The following TRABD2B variants were observed in gnomAD, a reference collection of about 807,000 sequenced individuals.
The protein encoded by TRABD2B is TraB domain containing 2B.
In TRABD2B, 14 loss-of-function variants were observed where a neutral mutation model predicts 40.1. That is an observed-to-expected ratio of 0.35 (90% CI 0.23 to 0.55). The LOEUF is 0.55. Ranked by LOEUF, TRABD2B falls within the 20% of genes least tolerant of loss-of-function variation. The probability of loss-of-function intolerance (pLI) is 0.90; values close to 1 mark genes in which losing one functional copy is unlikely to be tolerated. For missense variants in TRABD2B, 541 were observed against 648.6 expected, an observed-to-expected ratio of 0.83 and a Z score of 1.80; for synonymous variants, 263 against 277.0, an observed-to-expected ratio of 0.95 and a Z score of 0.50.
intron 2 of TRABD2B, among the ~76,000 whole-genome samples, chr1:47,872,574 G>A (rs1285845756): frequency 1.3e-5 from 2 of 152,206 alleles, no homozygotes; most frequent in Non-Finnish European, 2.9e-5. Flanking sequence ...CTGAGCAGAA[G>A]TGGGTGGGCA....
intron 2 of TRABD2B, among the ~76,000 whole-genome samples, chr1:47,843,330 A>G (rs1557607882): frequency 6.6e-6 from 1 of 152,072 alleles, no homozygotes; most frequent in Non-Finnish European, 1.5e-5. Flanking sequence ...AGAGAAGGGG[A>G]GAAAGTGAGC....
At chr1:47,958,969 A>T (rs1645467492) in intron 2 of TRABD2B, among the ~76,000 whole-genome samples, 1 of 151,972 alleles carries the variant, frequency 6.6e-6, no homozygotes, top group Non-Finnish European at 1.5e-5. Flanking sequence ...GAAGTAAAGC[A>T]CTCCTCAGCA....
At chr1:47,879,885 C>T (rs564222255) in intron 2 of TRABD2B, among the ~76,000 whole-genome samples, 5 of 152,248 alleles carry the variant, frequency 3.3e-5, no homozygotes, top group Admixed American at 2.6e-4. Flanking sequence ...GGGAGGCCAC[C>T]CCTGCCAGGC....
At chr1:47,911,863 G>A (rs1165866470) in intron 2 of TRABD2B, among the ~76,000 whole-genome samples, 1 of 152,164 alleles carries the variant, frequency 6.6e-6, no homozygotes. Flanking sequence ...ATAAGCACAG[G>A]GACTTGTGTG....
intron 2 of TRABD2B, among the ~76,000 whole-genome samples, chr1:47,991,496 G>T (rs1397575987): frequency 6.6e-6 from 1 of 152,150 alleles, no homozygotes; most frequent in East Asian, 1.9e-4. Flanking sequence ...TGAAATCAAA[G>T]ACCAAAACCT....
chr1:47,823,841 C>T (rs989347579), intron 2 of TRABD2B, among the ~76,000 whole-genome samples: 2 of 152,198 alleles, frequency 1.3e-5, no homozygotes, highest in Non-Finnish European at 2.9e-5. Flanking sequence ...AGAACTCTTT[C>T]TGTGGGGTAG....
chr1:47,961,977 T>G (rs561162466), intron 2 of TRABD2B, among the ~76,000 whole-genome samples: 1 of 152,232 alleles, frequency 6.6e-6, no homozygotes, highest in Non-Finnish European at 1.5e-5. Context: ...TGTCCATCAA[T>G]GATAGACTGG....
intron 2 of TRABD2B, among the ~76,000 whole-genome samples, chr1:47,935,007 G>A (rs922026840): frequency 6.6e-6 from 1 of 152,086 alleles, no homozygotes; most frequent in Non-Finnish European, 1.5e-5. Context: ...TATCCACCTG[G>A]AAAATTCCTA....
intron 2 of TRABD2B, among the ~76,000 whole-genome samples, chr1:47,990,847 T>G (rs1646000995): frequency 8.4e-6 from 1 of 118,888 alleles, no homozygotes; most frequent in African/African-American, 3.2e-5. Flanking sequence ...AACGTTGGTT[T>G]TAGTGTTGAG....
At chr1:47,844,445 A>G (rs1001255261) in intron 2 of TRABD2B, among the ~76,000 whole-genome samples, 2 of 152,116 alleles carry the variant, frequency 1.3e-5, no homozygotes, top group Non-Finnish European at 2.9e-5. Context: ...CATCAATGTG[A>G]TGTGTTTCTC....
intron 4 of TRABD2B, among the ~76,000 whole-genome samples, chr1:47,790,815 G>A (rs1644661305): frequency 6.6e-6 from 1 of 152,234 alleles, no homozygotes; most frequent in Non-Finnish European, 1.5e-5. Context: ...CACATAGTAA[G>A]GGCTTTTATG....
chr1:47,966,904 C>CAAATAAAATAAAATAAAATA (rs59311312), intron 2 of TRABD2B, among the ~76,000 whole-genome samples: 8,307 of 128,588 alleles, frequency 0.065, 352 homozygotes, highest in African/African-American at 0.08. Flanking sequence ...GACTCTGTCT[C>CAAATAAAATAAAATAAAATA]AAATAAAATA....
At chr1:47,911,662 TC>T (rs1644764812) in intron 2 of TRABD2B, among the ~76,000 whole-genome samples, 1 of 152,182 alleles carries the variant, frequency 6.6e-6, no homozygotes, top group African/African-American at 2.4e-5. Context: ...GCCCCTTGTG[TC>T]CCCTATGGAG....
At chr1:47,924,114 A>G (rs989657363) in intron 2 of TRABD2B, among the ~76,000 whole-genome samples, 3 of 152,122 alleles carry the variant, frequency 2.0e-5, no homozygotes, top group African/African-American at 4.8e-5. Context: ...CTAGGATTCA[A>G]GGGGAAGTTT....
At chr1:47,918,598 T>A (rs1405211400) in intron 2 of TRABD2B, among the ~76,000 whole-genome samples, 4 of 152,134 alleles carry the variant, frequency 2.6e-5, no homozygotes, top group Admixed American at 2.6e-4. Context: ...TCTCTTCCTT[T>A]CCTCCAACTC....
At chr1:47,792,502 C>T (rs116200800) in intron 4 of TRABD2B, among the ~76,000 whole-genome samples, 2,311 of 152,212 alleles carry the variant, frequency 0.015, 86 homozygotes, top group Admixed American at 0.089. Context: ...TGAGGTCTTT[C>T]TGGTGGCCTG....
At chr1:47,892,283 A>C (rs780193142) in intron 2 of TRABD2B, among the ~76,000 whole-genome samples, 2 of 152,226 alleles carry the variant, frequency 1.3e-5, no homozygotes, top group Non-Finnish European at 2.9e-5. Flanking sequence ...GGATGACTCT[A>C]AGACTTTTGG....
At chr1:47,785,862 G>A (rs1044259178) in intron 4 of TRABD2B, among the ~76,000 whole-genome samples, 1 of 152,198 alleles carries the variant, frequency 6.6e-6, no homozygotes, top group African/African-American at 2.4e-5. Flanking sequence ...CAGGGACAGG[G>A]CCCCACGCCT....
chr1:47,820,637 C>T (rs1332325368), intron 2 of TRABD2B, among the ~76,000 whole-genome samples: 2 of 152,196 alleles, frequency 1.3e-5, no homozygotes, highest in Non-Finnish European at 2.9e-5. Context: ...AGCCCTATGC[C>T]CTCACTGCTT....
Sources: allele counts gnomAD v4.1 joint callset (sites outside exome capture counted in the v4.1 genomes callset), GRCh38; gene constraint gnomAD v4.1.1; transcripts MANE v1.5; gene names NCBI Gene and HGNC (gene_info 2026-07-23, HGNC 2026-07-21).